Variants in ABCB1 observed in about 807,000 individuals in gnomAD.
ABCB1 encodes ATP binding cassette subfamily B member 1, also known as ATP-dependent translocase ABCB1.
In ABCB1, 69 loss-of-function variants were observed where a neutral mutation model predicts 142.0. The ratio of observed to expected loss-of-function variants is 0.49; its 90% CI spans 0.40 to 0.59. The LOEUF (loss-of-function observed/expected upper bound fraction) is 0.59. Ranked by LOEUF, ABCB1 falls within the 20% of genes least tolerant of loss-of-function variation. The pLI is 0.00. For missense variants in ABCB1, 1,326 were observed against 1,554.7 expected, an observed-to-expected ratio of 0.85 and a Z score of 2.47; for synonymous variants, 532 against 539.2, an observed-to-expected ratio of 0.99 and a Z score of 0.18.
At chr7:87,599,434 G>T (rs566828156) in intron 2 of ABCB1, among the ~76,000 whole-genome samples, 1 of 152,116 alleles carries the variant, frequency 6.6e-6, no homozygotes, top group Non-Finnish European at 1.5e-5. Flanking sequence ...GCCATTTACC[G>T]GAAGCAAGAG....
chr7:87,650,692 G>C (rs1220395348), intron 1 of ABCB1: 1 of 629,800 alleles, frequency 1.6e-6, no homozygotes, highest in African/African-American at 1.9e-5. Flanking sequence ...GAATAAATGG[G>C]GTTTTTCAGA....
intron 1 of ABCB1, among the ~76,000 whole-genome samples, chr7:87,696,923 G>T (rs1446581989): frequency 6.6e-6 from 1 of 152,076 alleles, no homozygotes; most frequent in East Asian, 1.9e-4. Context: ...ACCCTTCTCT[G>T]CTTAACCTAA....
At chr7:87,554,336 T>TAA (rs5885589) in intron 8 of ABCB1, among the ~76,000 whole-genome samples, 4,394 of 142,168 alleles carry the variant, frequency 0.031, 112 homozygotes, top group African/African-American at 0.062. Context: ...TAGAAAGTAC[T>TAA]AAAAAAAAAA....
chr7:87,625,070 C>T (rs1422784959), intron 1 of ABCB1, among the ~76,000 whole-genome samples: 1 of 152,100 alleles, frequency 6.6e-6, no homozygotes, highest in East Asian at 1.9e-4. Flanking sequence ...TCCTGGCTAA[C>T]ACGGTGAAAC....
intron 1 of ABCB1, among the ~76,000 whole-genome samples, chr7:87,690,305 A>G (rs551868542): frequency 5.8e-4 from 89 of 152,276 alleles, no homozygotes; most frequent in Middle Eastern, 3.4e-3. Context: ...CATGTGATCT[A>G]TATTTTTATT....
At chr7:87,596,539 C>T (rs1819215939) in intron 2 of ABCB1, among the ~76,000 whole-genome samples, 3 of 152,056 alleles carry the variant, frequency 2.0e-5, no homozygotes, top group Admixed American at 6.5e-5. Context: ...AGCCCATTTT[C>T]TACTCTGTGT....
intron 3 of ABCB1, among the ~76,000 whole-genome samples, chr7:87,587,271 C>T (rs561371925): frequency 6.6e-6 from 1 of 152,278 alleles, no homozygotes; most frequent in African/African-American, 2.4e-5. Flanking sequence ...AAAAATTTCT[C>T]CCATCACCAC....
intron 1 of ABCB1, among the ~76,000 whole-genome samples, chr7:87,638,151 G>A (rs1275565868): frequency 1.3e-5 from 2 of 151,580 alleles, no homozygotes; most frequent in Non-Finnish European, 2.9e-5. Context: ...AAACCACTCT[G>A]GAATAAAAAA....
chr7:87,589,315 T>A (rs76959032), intron 3 of ABCB1, among the ~76,000 whole-genome samples: 1 of 152,330 alleles, frequency 6.6e-6, no homozygotes, highest in East Asian at 1.9e-4. Flanking sequence ...AGAAACTTAT[T>A]GAGCATACAA....
intron 1 of ABCB1, among the ~76,000 whole-genome samples, chr7:87,687,000 T>G (rs970796232): frequency 6.6e-6 from 1 of 150,924 alleles, no homozygotes; most frequent in Non-Finnish European, 1.5e-5. Flanking sequence ...ACCAGACAAG[T>G]ATAGACTGTC....
At chr7:87,648,184 CAAAAAAAAAAA>C (rs138383809) in intron 1 of ABCB1, among the ~76,000 whole-genome samples, 145 of 65,482 alleles carry the variant, frequency 2.2e-3, no homozygotes, top group African/African-American at 7.8e-3. Context: ...GACTCTGTCT[CAAAAAAAAAAA>C]AAAAAAGAAA....
chr7:87,693,002 C>G (rs909816314), intron 1 of ABCB1, among the ~76,000 whole-genome samples: 1 of 152,008 alleles, frequency 6.6e-6, no homozygotes, highest in African/African-American at 2.4e-5. Flanking sequence ...ATTACTAGCT[C>G]TATGTGTTTG....
chr7:87,660,904 T>C (rs1003966304), intron 1 of ABCB1, among the ~76,000 whole-genome samples: 4 of 152,020 alleles, frequency 2.6e-5, no homozygotes, highest in Admixed American at 6.6e-5. Context: ...AATTGAGTTA[T>C]AGTCAGAATT....
intron 1 of ABCB1, among the ~76,000 whole-genome samples, chr7:87,686,895 ATGATT>A (rs1304585629): frequency 6.6e-6 from 1 of 151,284 alleles, no homozygotes; most frequent in African/African-American, 2.4e-5. Flanking sequence ...GCAGTGAGCC[ATGATT>A]GTGCCACTCC....
chr7:87,519,107 C>T, intron 23 of ABCB1: 1 of 591,394 alleles, frequency 1.7e-6, no homozygotes, highest in East Asian at 2.8e-5. Context: ...AAAAGGTCAA[C>T]TATGTGTGAG....
At chr7:87,626,209 ATG>A (rs1378202545) in intron 1 of ABCB1, among the ~76,000 whole-genome samples, 1 of 106,758 alleles carries the variant, frequency 9.4e-6, no homozygotes, top group East Asian at 2.7e-4. Context: ...TGTCATATAT[ATG>A]TGTCATATAT....
Position 87,545,906 on chromosome 7 carries a change from A to T in ABCB1, c.1844T>A (p.Leu615His), listed in dbSNP as rs1242139767. Residue 615 changes from leucine (L) to histidine (H), a missense_variant, in exon 15 of 28, where the codon CTC (leucine) becomes CAC (histidine). Transcript: ENST00000622132. ...VIVEKGNHDELMKEKGIYFKL... is the reference protein window; with the variant it reads ...VIVEKGNHDEHMKEKGIYFKL... Reference sequence around the variant, plus strand: ...GAAGTAAATGCCTTTCTCTTTCATGAGTTCATCATGATTTCCTTTCTCCAC... The same window carrying T: ...GAAGTAAATGCCTTTCTCTTTCATGTGTTCATCATGATTTCCTTTCTCCAC... 1 of 1,614,208 alleles carries T rather than the reference A, an allele frequency of 6.2e-7. No individual in the cohort carries two copies. The highest frequency in any genetic ancestry group is 1.1e-5 in the South Asian group (1 of 91,084).
intron 21 of ABCB1, 38 bp downstream of exon 21, chr7:87,531,256 C>T (rs1371547754): frequency 1.3e-6 from 2 of 1,532,192 alleles, no homozygotes; most frequent in Admixed American, 1.7e-5. Flanking sequence ...GAATACTTTA[C>T]TCTACTTAAT....
At chr7:87,683,426 C>T (rs967171076) in intron 1 of ABCB1, among the ~76,000 whole-genome samples, 1 of 152,144 alleles carries the variant, frequency 6.6e-6, no homozygotes, top group African/African-American at 2.4e-5. Flanking sequence ...TAAGATTAAT[C>T]GTGTACAGCT....
Sources: allele counts gnomAD v4.1 joint callset (sites outside exome capture counted in the v4.1 genomes callset), GRCh38; gene constraint gnomAD v4.1.1; transcripts MANE v1.5; gene names NCBI Gene and HGNC (gene_info 2026-07-23, HGNC 2026-07-21).